The following PAPPA2 variants were observed in gnomAD, a reference collection of about 807,000 sequenced individuals.
PAPPA2 encodes the protein pappalysin-2.
Under a neutral mutation model 176.4 loss-of-function variants are expected in PAPPA2, and 86 were observed. The ratio of observed to expected loss-of-function variants is 0.49; its 90% CI spans 0.41 to 0.58. The LOEUF (loss-of-function observed/expected upper bound fraction) is 0.58, where lower values mean the gene tolerates loss of function less well. Ranked by LOEUF, PAPPA2 falls within the 20% of genes least tolerant of loss-of-function variation. PAPPA2 has a pLI of 0.00. For missense variants in PAPPA2, 2,073 were observed against 2,256.9 expected, an observed-to-expected ratio of 0.92 and a Z score of 1.65; for synonymous variants, 809 against 852.2, an observed-to-expected ratio of 0.95 and a Z score of 0.88.
At chr1:176,739,822 A>G in intron 13 of PAPPA2, 61 bp downstream of exon 13, 1 of 1,593,802 alleles carries the variant, frequency 6.3e-7, no homozygotes, top group African/African-American at 1.3e-5. Flanking sequence ...CCCAGAAGTC[A>G]GCTTGATGTC....
chr1:176,540,369 T>C (rs1650303099), intron 1 of PAPPA2, among the ~76,000 whole-genome samples: 1 of 152,238 alleles, frequency 6.6e-6, no homozygotes. Context: ...AAAATCACTC[T>C]GTCTTTGAAA....
chr1:176,704,746 A>G (rs1047051160), intron 9 of PAPPA2, among the ~76,000 whole-genome samples: 1 of 152,228 alleles, frequency 6.6e-6, no homozygotes, highest in Non-Finnish European at 1.5e-5. Context: ...AGTTGAATTC[A>G]GATGTGCTGT....
chr1:176,729,498 T>C (rs1662032712), intron 12 of PAPPA2, among the ~76,000 whole-genome samples: 1 of 152,044 alleles, frequency 6.6e-6, no homozygotes, highest in Non-Finnish European at 1.5e-5. Context: ...AGACACAATG[T>C]ACCAGAATCT....
At chr1:176,722,670 A>G (rs1168786547) in intron 12 of PAPPA2, among the ~76,000 whole-genome samples, 5 of 152,148 alleles carry the variant, frequency 3.3e-5, no homozygotes, top group Non-Finnish European at 7.3e-5. Flanking sequence ...CTAAAGTAGC[A>G]CAGAATATTA....
intron 2 of PAPPA2, among the ~76,000 whole-genome samples, chr1:176,589,426 C>T (rs1159263288): frequency 1.3e-5 from 2 of 152,164 alleles, no homozygotes; most frequent in Non-Finnish European, 2.9e-5. Flanking sequence ...TATCCTCCCT[C>T]AATTTACCTT....
intron 1 of PAPPA2, among the ~76,000 whole-genome samples, chr1:176,513,509 A>G (rs1471953055): frequency 6.6e-6 from 1 of 152,158 alleles, no homozygotes. Context: ...ATGGAAATAG[A>G]AATTTCATTT....
At chr1:176,790,803 G>A (rs1446272176) in intron 18 of PAPPA2, among the ~76,000 whole-genome samples, 1 of 152,172 alleles carries the variant, frequency 6.6e-6, no homozygotes, top group African/African-American at 2.4e-5. Flanking sequence ...GAAGCCAAGA[G>A]TTACACAAAC....
chr1:176,477,861 T>C (rs1652212667), intron 1 of PAPPA2, among the ~76,000 whole-genome samples: 1 of 152,184 alleles, frequency 6.6e-6, no homozygotes, highest in Non-Finnish European at 1.5e-5. Context: ...AACCCATTAT[T>C]TGAAAAACAT....
At chr1:176,602,297 C>G (rs1238034570) in intron 3 of PAPPA2, among the ~76,000 whole-genome samples, 2 of 152,140 alleles carry the variant, frequency 1.3e-5, no homozygotes, top group Non-Finnish European at 2.9e-5. Context: ...GCCCATGGCA[C>G]ACTCCCCTCT....
At chr1:176,748,952 CAT>C (rs1201134440) in intron 14 of PAPPA2, among the ~76,000 whole-genome samples, 8 of 150,760 alleles carry the variant, frequency 5.3e-5, no homozygotes, top group Admixed American at 2.0e-4. Context: ...TTAAGTGACA[CAT>C]GACTGTATAT....
chr1:176,696,505 T>C (rs192534540), intron 7 of PAPPA2, among the ~76,000 whole-genome samples: 20 of 152,304 alleles, frequency 1.3e-4, no homozygotes, highest in Admixed American at 1.3e-3. Flanking sequence ...GTTATCTTTT[T>C]TTCTGTACCT....
chr1:176,763,580 A>G (rs183635672), intron 14 of PAPPA2, among the ~76,000 whole-genome samples: 2 of 152,348 alleles, frequency 1.3e-5, no homozygotes, highest in Admixed American at 6.5e-5. Flanking sequence ...ACAGCAAGTC[A>G]TGCGTTGAAT....
chr1:176,817,808 G>A, intron 21 of PAPPA2, among the ~76,000 whole-genome samples: 1 of 152,062 alleles, frequency 6.6e-6, no homozygotes, highest in Non-Finnish European at 1.5e-5. Context: ...GACTGAGTTT[G>A]TTCAGTAGAA....
chr1:176,617,674 C>T (rs1196387974), intron 3 of PAPPA2, among the ~76,000 whole-genome samples: 5 of 151,326 alleles, frequency 3.3e-5, no homozygotes, highest in Non-Finnish European at 7.4e-5. Context: ...ATCACATTTT[C>T]TTTATCCACT....
chr1:176,615,718 G>A (rs2102684062), intron 3 of PAPPA2, among the ~76,000 whole-genome samples: 1 of 152,294 alleles, frequency 6.6e-6, no homozygotes, highest in East Asian at 1.9e-4. Flanking sequence ...CAATGGCTAA[G>A]CAAACCTGAT....
At chr1:176,658,984 G>T (rs897529667) in intron 3 of PAPPA2, among the ~76,000 whole-genome samples, 1 of 151,996 alleles carries the variant, frequency 6.6e-6, no homozygotes, top group Non-Finnish European at 1.5e-5. Context: ...TAGACTTTGG[G>T]AAAGGAAATT....
At chr1:176,661,839 T>G (rs1658376682) in intron 3 of PAPPA2, among the ~76,000 whole-genome samples, 1 of 152,138 alleles carries the variant, frequency 6.6e-6, no homozygotes. Flanking sequence ...AATAATTATG[T>G]GCAGACTAAT....
At chr1:176,660,225 C>T (rs997532880) in intron 3 of PAPPA2, among the ~76,000 whole-genome samples, 2 of 152,014 alleles carry the variant, frequency 1.3e-5, no homozygotes, top group African/African-American at 4.8e-5. Context: ...ATACATTTTC[C>T]CCCAGGAGAG....
chr1:176,752,700 G>A lies in PAPPA2; in HGVS notation c.4151+12504G>A, dbSNP rs370930794. Reference sequence around the variant, plus strand: ...GGGCCTGCAAAAATAAATAATCCTGGTAGAAAAATCAACAATTAGTCATCC... The same window carrying A: ...GGGCCTGCAAAAATAAATAATCCTGATAGAAAAATCAACAATTAGTCATCC... On this transcript the variant is annotated intron_variant, in intron 14 of 22. Coordinates refer to ENST00000367662, the MANE Select transcript of PAPPA2 (RefSeq NM_020318.3). 8.5e-5 allele frequency among the ~76,000 whole-genome samples: 13 copies of A among 152,182 alleles called. No individual in the cohort carries two copies. In the East Asian group the frequency reaches 2.3e-3, roughly 27 times the overall value.
Sources: allele counts gnomAD v4.1 joint callset (sites outside exome capture counted in the v4.1 genomes callset), GRCh38; gene constraint gnomAD v4.1.1; transcripts MANE v1.5; gene names NCBI Gene and HGNC (gene_info 2026-07-23, HGNC 2026-07-21).